Variants in MAP7 observed in about 807,000 individuals in gnomAD.
MAP7 encodes the protein microtubule associated protein 7.
A neutral mutation model predicts 94.8 loss-of-function variants in MAP7; 52 were observed. The ratio of observed to expected loss-of-function variants is 0.55; its 90% confidence interval spans 0.44 to 0.69. The LOEUF (loss-of-function observed/expected upper bound fraction) is 0.69, where lower values mean the gene tolerates loss of function less well. Ranked by LOEUF, MAP7 falls within the 30% of genes least tolerant of loss-of-function variation. MAP7 has a pLI of 0.00. For synonymous variants in MAP7, 350 were observed against 357.0 expected (o/e 0.98, Z 0.22); for missense variants, 940 against 964.6 (o/e 0.97, Z 0.34).
intron 1 of MAP7, among the ~76,000 whole-genome samples, chr6:136,484,446 T>C: frequency 6.6e-6 from 1 of 152,206 alleles, no homozygotes; most frequent in South Asian, 2.1e-4. Flanking sequence ...ATGGTCATTC[T>C]GGTATGATGT....
At chr6:136,513,379 T>C (rs1823817453) in intron 1 of MAP7, among the ~76,000 whole-genome samples, 1 of 152,218 alleles carries the variant, frequency 6.6e-6, no homozygotes, top group Non-Finnish European at 1.5e-5. Context: ...TCACCGTAAG[T>C]AGATTCCATC....
At chr6:136,387,227 G>C (rs185968201) in intron 5 of MAP7, among the ~76,000 whole-genome samples, 1,555 of 152,298 alleles carry the variant, frequency 0.01, 20 homozygotes, top group Non-Finnish European at 0.014. Flanking sequence ...AAAACTAAAA[G>C]TGGCAACAGC....
intron 10 of MAP7, 44 bp downstream of exon 10, chr6:136,365,691 A>AG: frequency 6.3e-7 from 1 of 1,586,572 alleles, no homozygotes; most frequent in Non-Finnish European, 8.6e-7. Context: ...ACAGTGCGGG[A>AG]GAAAAAGAGA....
intron 1 of MAP7, among the ~76,000 whole-genome samples, chr6:136,504,233 G>T (rs1820679019): frequency 6.6e-6 from 1 of 152,146 alleles, no homozygotes; most frequent in Admixed American, 6.5e-5. Flanking sequence ...TCCCTGGGAA[G>T]GGAAATAGGG....
At chr6:136,523,507 T>A (rs1826998737) in intron 1 of MAP7, among the ~76,000 whole-genome samples, 1 of 152,258 alleles carries the variant, frequency 6.6e-6, no homozygotes, top group African/African-American at 2.4e-5. Context: ...GGAACAAAGC[T>A]GGACTACAAA....
chr6:136,466,882 G>T (rs1016593737), intron 1 of MAP7: 2 of 1,523,730 alleles, frequency 1.3e-6, no homozygotes, highest in African/African-American at 2.8e-5. Context: ...TATCAGTGAA[G>T]GGGCCGTTTA....
At chr6:136,350,948 G>A (rs1397990752) in intron 16 of MAP7, among the ~76,000 whole-genome samples, 1 of 152,208 alleles carries the variant, frequency 6.6e-6, no homozygotes, top group African/African-American at 2.4e-5. Flanking sequence ...CCAGGGATCA[G>A]TGCTAGGTTT....
At chr6:136,451,343 A>T (rs1801049486) in intron 1 of MAP7, among the ~76,000 whole-genome samples, 1 of 152,240 alleles carries the variant, frequency 6.6e-6, no homozygotes, top group African/African-American at 2.4e-5. Flanking sequence ...CTATAAAAGG[A>T]ACAAGAAAGC....
intron 2 of MAP7, among the ~76,000 whole-genome samples, chr6:136,414,955 C>T (rs1441643263): frequency 1.3e-5 from 2 of 152,040 alleles, no homozygotes; most frequent in African/African-American, 4.8e-5. Context: ...GCTGAGATGA[C>T]AGGCATGCGC....
At chr6:136,354,509 G>C (rs977968035) in intron 16 of MAP7, among the ~76,000 whole-genome samples, 1 of 148,432 alleles carries the variant, frequency 6.7e-6, no homozygotes, top group Non-Finnish European at 1.5e-5. Flanking sequence ...CTTTAAAGGA[G>C]AGACACTGGA....
At chr6:136,413,889 C>A (rs1336161684) in intron 2 of MAP7, among the ~76,000 whole-genome samples, 2 of 152,024 alleles carry the variant, frequency 1.3e-5, no homozygotes, top group Non-Finnish European at 2.9e-5. Flanking sequence ...AGTAAAGACG[C>A]CCCTTAGGAG....
chr6:136,443,493 C>T (rs1798466581), intron 1 of MAP7, among the ~76,000 whole-genome samples: 1 of 144,808 alleles, frequency 6.9e-6, no homozygotes, highest in Non-Finnish European at 1.5e-5. Flanking sequence ...GCTCTGTCAC[C>T]CAGGCTGGAG....
chr6:136,474,070 C>T (rs1455030230), intron 1 of MAP7, among the ~76,000 whole-genome samples: 1 of 151,906 alleles, frequency 6.6e-6, no homozygotes, highest in Non-Finnish European at 1.5e-5. Flanking sequence ...TTCCAAAAGC[C>T]AAGAAATGAG....
intron 1 of MAP7, among the ~76,000 whole-genome samples, chr6:136,540,830 T>C (rs1349053116): frequency 6.6e-6 from 1 of 152,204 alleles, no homozygotes; most frequent in African/African-American, 2.4e-5. Context: ...TCTCAGATAA[T>C]TACCTTGGAT....
At chr6:136,477,022 T>C (rs1399959037) in intron 1 of MAP7, among the ~76,000 whole-genome samples, 1 of 152,194 alleles carries the variant, frequency 6.6e-6, no homozygotes, top group Non-Finnish European at 1.5e-5. Context: ...CTAAAGTTAA[T>C]GGATGAATAT....
At chr6:136,416,816 A>G (rs573950574) in intron 2 of MAP7, among the ~76,000 whole-genome samples, 1 of 152,114 alleles carries the variant, frequency 6.6e-6, no homozygotes, top group Non-Finnish European at 1.5e-5. Flanking sequence ...AAAAAAAAAA[A>G]AAAATTATAT....
chr6:136,409,260 C>G (rs1786590300), intron 3 of MAP7, among the ~76,000 whole-genome samples: 1 of 152,062 alleles, frequency 6.6e-6, no homozygotes, highest in Admixed American at 6.6e-5. Flanking sequence ...TGACGTGAGT[C>G]TGTAATGCCA....
intron 1 of MAP7, among the ~76,000 whole-genome samples, chr6:136,501,825 C>T (rs1466358226): frequency 3.9e-5 from 6 of 152,154 alleles, no homozygotes; most frequent in African/African-American, 9.7e-5. Context: ...GTTCCCATCA[C>T]AAATTTTCTC....
chr6:136,547,319 GCTT>G (rs1475081328), intron 1 of MAP7, among the ~76,000 whole-genome samples: 1 of 152,198 alleles, frequency 6.6e-6, no homozygotes, highest in African/African-American at 2.4e-5. Flanking sequence ...GTGCATGAAA[GCTT>G]CATGAATTAA....
Sources: allele counts gnomAD v4.1 joint callset (sites outside exome capture counted in the v4.1 genomes callset), GRCh38; gene constraint gnomAD v4.1.1; transcripts MANE v1.5; gene names NCBI Gene and HGNC (gene_info 2026-07-23, HGNC 2026-07-21).